Variants in PLPPR1 observed in about 807,000 individuals in gnomAD.
PLPPR1 encodes the protein phospholipid phosphatase-related protein type 1.
A neutral mutation model predicts 33.1 loss-of-function variants in PLPPR1; 10 were observed. The observed-to-expected ratio is 0.30, with a 90% CI of 0.19 to 0.51. The LOEUF (loss-of-function observed/expected upper bound fraction) is 0.51. Ranked by LOEUF, PLPPR1 falls within the 20% of genes least tolerant of loss-of-function variation. PLPPR1 has a pLI of 0.97. For missense variants in PLPPR1, 304 were observed against 408.1 expected (o/e 0.74, Z 2.20); for synonymous variants, 151 against 151.0 (o/e 1.00, Z 0.00).
intron 4 of PLPPR1, among the ~76,000 whole-genome samples, chr9:101,299,952 A>G (rs750694562): frequency 6.6e-6 from 1 of 152,112 alleles, no homozygotes; most frequent in Non-Finnish European, 1.5e-5. Context: ...AAACATTACA[A>G]AAGTTCCCTG....
intron 1 of PLPPR1, among the ~76,000 whole-genome samples, chr9:101,070,440 A>T (rs1400906034): frequency 6.6e-6 from 1 of 152,052 alleles, no homozygotes; most frequent in Non-Finnish European, 1.5e-5. Flanking sequence ...TCGCAAAAAA[A>T]CCAGAAAAGG....
At chr9:101,038,844 A>G (rs1295622377) in intron 1 of PLPPR1, among the ~76,000 whole-genome samples, 1 of 151,982 alleles carries the variant, frequency 6.6e-6, no homozygotes, top group Non-Finnish European at 1.5e-5. Flanking sequence ...ACTGCACTCT[A>G]TCTTCTCCTT....
At chr9:101,209,659 T>C (rs1368649024) in intron 2 of PLPPR1, among the ~76,000 whole-genome samples, 1 of 152,252 alleles carries the variant, frequency 6.6e-6, no homozygotes, top group East Asian at 1.9e-4. Flanking sequence ...GTTTGAGTAA[T>C]TGACACTGCA....
intron 2 of PLPPR1, among the ~76,000 whole-genome samples, chr9:101,233,741 A>G (rs1175876797): frequency 2.0e-5 from 3 of 152,074 alleles, no homozygotes; most frequent in South Asian, 2.1e-4. Flanking sequence ...ACTGTCCATT[A>G]TAAGTCTCAG....
At chr9:101,155,863 G>A (rs1831677476) in intron 1 of PLPPR1, among the ~76,000 whole-genome samples, 1 of 152,116 alleles carries the variant, frequency 6.6e-6, no homozygotes, top group Admixed American at 6.5e-5. Context: ...GCCTCCCAAA[G>A]TGCTGGGATT....
chr9:101,294,299 G>A (rs949687891), intron 4 of PLPPR1, among the ~76,000 whole-genome samples: 232 of 151,878 alleles, frequency 1.5e-3, no homozygotes, highest in African/African-American at 5.2e-3. Context: ...CTGAAATTGT[G>A]GCAATAATCA....
chr9:101,108,104 G>C (rs1033404555), intron 1 of PLPPR1, among the ~76,000 whole-genome samples: 1 of 146,714 alleles, frequency 6.8e-6, no homozygotes, highest in African/African-American at 2.7e-5. Context: ...GAAATCACCC[G>C]TCTTCTGCGT....
chr9:101,300,170 A>G (rs1828725827), intron 4 of PLPPR1, among the ~76,000 whole-genome samples: 1 of 152,056 alleles, frequency 6.6e-6, no homozygotes, highest in Non-Finnish European at 1.5e-5. Flanking sequence ...TTTTGGAAGC[A>G]ACTTACTTAT....
intron 2 of PLPPR1, among the ~76,000 whole-genome samples, chr9:101,225,347 G>A (rs919581895): frequency 6.6e-6 from 1 of 151,918 alleles, no homozygotes; most frequent in Non-Finnish European, 1.5e-5. Flanking sequence ...GTGAAATATT[G>A]CCACTGCTCA....
rs1188613031 is a variant in PLPPR1, at chr9:101,151,089, A to AC, written c.-45-34360dup. ...AACAGAATAAAATGGAAACACCTTT[A>AC]CATCTTTAAGCAAAGGTCCAGATGG... On this transcript the variant is annotated intron_variant, in intron 1 of 7. Transcript: ENST00000374874. Among the ~76,000 whole-genome samples the AC allele has an allele frequency of 3.3e-5, 5 of 152,278 alleles. No individual in the cohort carries two copies. The East Asian group carries it at 5.8e-4, about 18-fold the overall frequency.
chr9:101,101,329 T>C lies in PLPPR1; in HGVS notation c.-46+72227T>C, dbSNP rs1364878363. On this transcript the variant is annotated intron_variant, in intron 1 of 7. Transcript: ENST00000374874. Reference sequence around the variant, plus strand: ...CTTGGGTTTTCTGGCTTTTTATTTATCATTCTTTTATTTAGTATGCTAATA... The same window carrying C: ...CTTGGGTTTTCTGGCTTTTTATTTACCATTCTTTTATTTAGTATGCTAATA... 3.3e-5 allele frequency among the ~76,000 whole-genome samples: 5 copies of C among 152,118 alleles called. No homozygotes were observed. In the South Asian group the frequency reaches 8.3e-4, roughly 25 times the overall value.
At chr9:101,104,777 CTGGACTCTTTT>C (rs1170085800) in intron 1 of PLPPR1, among the ~76,000 whole-genome samples, 1 of 95,392 alleles carries the variant, frequency 1.0e-5, no homozygotes, top group African/African-American at 4.7e-5. Context: ...CCATCTGGTC[CTGGACTCTTTT>C]TGGTTGGTAA....
At chr9:101,114,428 T>C (rs190807796) in intron 1 of PLPPR1, among the ~76,000 whole-genome samples, 12 of 152,278 alleles carry the variant, frequency 7.9e-5, no homozygotes, top group Admixed American at 7.2e-4. Context: ...ATCCAGGAAA[T>C]AGATATGGCT....
In PLPPR1 at chr9:101,134,479, C is replaced by T. The variant is rs568673631; in HGVS notation, c.-45-50971C>T. Among the ~76,000 whole-genome samples, 4 of 151,652 alleles carry T rather than the reference C, an allele frequency of 2.6e-5. No homozygotes were observed. The East Asian group carries it at 7.8e-4, about 30-fold the overall frequency. On this transcript the variant is annotated intron_variant, in intron 1 of 7. Transcript: ENST00000374874. ...CTCACTGCAACCTCTGCCTCCTGGG[C>T]TCAAGTGATCCTCCTACCTCAGCCT...
At chr9:101,277,200 G>A (rs1193541870) in intron 3 of PLPPR1, among the ~76,000 whole-genome samples, 2 of 152,184 alleles carry the variant, frequency 1.3e-5, no homozygotes, top group Non-Finnish European at 2.9e-5. Context: ...AATATTAGAA[G>A]TATCTAAAAA....
intron 1 of PLPPR1, among the ~76,000 whole-genome samples, chr9:101,109,465 A>G (rs1204580789): frequency 2.0e-5 from 3 of 152,314 alleles, no homozygotes; most frequent in Admixed American, 6.5e-5. Flanking sequence ...CATGTTTCGT[A>G]TATCTAAGAT....
intron 4 of PLPPR1, among the ~76,000 whole-genome samples, chr9:101,304,570 C>G (rs1348098788): frequency 6.6e-6 from 1 of 152,172 alleles, no homozygotes; most frequent in Non-Finnish European, 1.5e-5. Flanking sequence ...TGGTACCATA[C>G]TAGTCTAAAA....
At chr9:101,219,805 C>T (rs539766004) in intron 2 of PLPPR1, among the ~76,000 whole-genome samples, 1 of 152,340 alleles carries the variant, frequency 6.6e-6, no homozygotes, top group South Asian at 2.1e-4. Flanking sequence ...CTAATCTATG[C>T]ATTACCTCAG....
At chr9:101,166,812 C>G (rs1011905107) in intron 1 of PLPPR1, among the ~76,000 whole-genome samples, 15 of 151,988 alleles carry the variant, frequency 9.9e-5, no homozygotes, top group African/African-American at 3.6e-4. Flanking sequence ...GGTTTAGCCC[C>G]ACTATGCACA....
Sources: gnomAD v4.1 joint callset for allele counts (sites outside exome capture counted in the v4.1 genomes callset) on GRCh38, gnomAD v4.1.1 for gene constraint, MANE v1.5 for transcripts, NCBI Gene and HGNC (gene_info 2026-07-23, HGNC 2026-07-21) for gene names.